Variants in CD1A observed in about 807,000 individuals in gnomAD.
CD1A encodes T-cell surface glycoprotein CD1a.
Under a neutral mutation model 38.3 loss-of-function variants are expected in CD1A, and 50 were observed. The observed-to-expected ratio is 1.30, with a 90% CI of 1.04 to 1.65. CD1A has a LOEUF of 1.65. Ranked by LOEUF, CD1A falls within the 40% of genes most tolerant of loss-of-function variation. The pLI, the probability that CD1A is intolerant of heterozygous loss-of-function variation, is 0.00. For synonymous variants in CD1A, 160 were observed against 150.8 expected, an observed-to-expected ratio of 1.06 and a Z score of -0.45; for missense variants, 459 against 406.1, an observed-to-expected ratio of 1.13 and a Z score of -1.12.
rs769074345 is a variant in CD1A at position 158,254,629 on chromosome 1, A to C, written c.-41A>C. On this transcript the variant is annotated 5_prime_UTR_variant, in exon 1 of 6. Transcript: ENST00000289429. ...GGTTTGTTTGGAACAGAAATCAAAG[A>C]CCAATTTTTCTGAGAGAAGGAAATA... 6.2e-7 allele frequency: 1 copy of C among 1,613,818 alleles called. No individual in the cohort carries two copies. Among genetic ancestry groups the C allele is most frequent in the East Asian group, 2.2e-5 (1 of 44,878 alleles).
chr1:158,254,634 T>C lies in CD1A; in HGVS notation c.-36T>C. The C allele has an allele frequency of 6.2e-7, 1 of 1,613,830 alleles. No individual in the cohort carries two copies. The highest frequency in any genetic ancestry group is 8.5e-7 in the Non-Finnish European group (1 of 1,179,888). ...GTTTGGAACAGAAATCAAAGACCAATTTTTCTGAGAGAAGGAAATAACATC... is the reference window on the plus strand; with the variant it reads ...GTTTGGAACAGAAATCAAAGACCAACTTTTCTGAGAGAAGGAAATAACATC... On this transcript the variant is annotated 5_prime_UTR_variant, in exon 1 of 6. Coordinates refer to ENST00000289429, the MANE Select transcript of CD1A (RefSeq NM_001763.3).
Position 158,255,993 on chromosome 1 carries a change from C to A in CD1A, c.326-11C>A. 12 of 1,600,644 alleles carry A rather than the reference C, an allele frequency of 7.5e-6. No homozygotes were observed. The highest frequency in any genetic ancestry group is 1.0e-5 in the Non-Finnish European group (12 of 1,172,184). On this transcript the variant is annotated splice_polypyrimidine_tract_variant and intron_variant, in intron 2 of 5. Coordinates refer to ENST00000289429, the MANE Select transcript of CD1A (RefSeq NM_001763.3). ...TTTTTTCTCCCTCTTTCCTCTATTT[C>A]ATAACCCCAGATCCTTTTGAGATAC...
upstream of CD1A, among the ~76,000 whole-genome samples, chr1:158,250,629 C>T (rs892622741): frequency 3.9e-5 from 6 of 152,170 alleles, no homozygotes; most frequent in Admixed American, 1.3e-4. Flanking sequence ...CTCAGTCATG[C>T]GGATGTCTTG....
chr1:158,254,781 CTCTCTGTGTG>C (rs1650185904), intron 1 of CD1A, 54 bp downstream of exon 1: 4 of 1,038,180 alleles, frequency 3.9e-6, no homozygotes, highest in African/African-American at 1.9e-5. Context: ...CTCTCTCTCT[CTCTCTGTGTG>C]TGTGTGTGTG....
At chr1:158,255,629 C>T (rs1443950722) in intron 2 of CD1A, among the ~76,000 whole-genome samples, 1 of 152,186 alleles carries the variant, frequency 6.6e-6, no homozygotes, top group East Asian at 1.9e-4. Flanking sequence ...GCCTGCCCTA[C>T]AACCAGATAC....
intron 1 of CD1A, 64 bp from the exon 2 acceptor site, chr1:158,255,020 C>A: frequency 6.5e-7 from 1 of 1,541,518 alleles, no homozygotes; most frequent in Non-Finnish European, 8.9e-7. Context: ...CACTCTGGCA[C>A]CTTTCTCTCT....
At chr1:158,252,050 C>G (rs545784072), upstream of CD1A, among the ~76,000 whole-genome samples, 37 of 151,976 alleles carry the variant, frequency 2.4e-4, no homozygotes, top group African/African-American at 8.2e-4. Flanking sequence ...AGGTTGGTCT[C>G]GAACTCCTGA....
chr1:158,255,300 T>A lies in CD1A; in HGVS notation c.275T>A (p.Ile92Asn). 1.2e-6 allele frequency: 2 copies of A among 1,614,124 alleles called. No individual in the cohort carries two copies. Among genetic ancestry groups the A allele is most frequent in the South Asian group, 1.1e-5 (1 of 91,086 alleles). Residue 92 changes from isoleucine (I) to asparagine (N), a missense_variant, in exon 2 of 6, where the codon ATT becomes AAT. Physicochemically the swap from Ile to Asn is moderately radical, Grantham distance 149. Coordinates refer to ENST00000289429, the MANE Select transcript of CD1A (RefSeq NM_001763.3). ...GAAACATTATTCCGTATACGCACCATTCGGTCATTTGAGGGAATTCGTAGA... is the reference window on the plus strand; with the variant it reads ...GAAACATTATTCCGTATACGCACCAATCGGTCATTTGAGGGAATTCGTAGA... Reference protein sequence around the residue: ...ELETLFRIRTIRSFEGIRRYA... With the variant: ...ELETLFRIRTNRSFEGIRRYA...
intron 5 of CD1A, 40 bp from the exon 6 acceptor site, chr1:158,257,641 C>T (rs757151945): frequency 4.3e-6 from 7 of 1,611,950 alleles, no homozygotes; most frequent in Non-Finnish European, 5.1e-6. Context: ...TTCTCAGCTC[C>T]ACCTTATTCA....
chr1:158,255,205 T>G lies in CD1A; in HGVS notation c.180T>G (p.Asn60Lys). 5 of 1,614,140 alleles carry G rather than the reference T, an allele frequency of 3.1e-6. No individual in the cohort carries two copies. Among genetic ancestry groups the G allele is most frequent in the Non-Finnish European group, 4.2e-6 (5 of 1,180,024 alleles). Reference sequence around the variant, plus strand: ...TGCAGACTCATACCTGGGACAGCAATTCCAGCACCATCGTTTTCCTGTGCC... The same window carrying G: ...TGCAGACTCATACCTGGGACAGCAAGTCCAGCACCATCGTTTTCCTGTGCC... ...SDLQTHTWDSNSSTIVFLCPW... is the reference protein window; with the variant it reads ...SDLQTHTWDSKSSTIVFLCPW... Residue 60 changes from asparagine to lysine, a missense_variant, in exon 2 of 6, where the codon AAT becomes AAG. Physicochemically the swap from Asn to Lys is moderately conservative, Grantham distance 94 (BLOSUM62 0). Transcript: ENST00000289429.
Position 158,257,855 on chromosome 1 carries a change from A to G in CD1A, c.*165A>G. 1.6e-6 allele frequency: 1 copy of G among 644,498 alleles called. No individual in the cohort carries two copies. The highest frequency in any genetic ancestry group is 2.8e-6 in the Non-Finnish European group (1 of 363,346). 39.9% of individuals were successfully genotyped at this position (644,498 alleles called of 1,614,324 possible). On this transcript the variant is annotated 3_prime_UTR_variant, in exon 6 of 6. Transcript: ENST00000289429. ...GTTTCTGATTAATGATTGTTTGTCA[A>G]TATAAGCTCAATTTAATTTTGCAGG...
At chr1:158,257,640 C>G (rs375941529) in intron 5 of CD1A, 41 bp from the exon 6 acceptor site, 15 of 1,611,848 alleles carry the variant, frequency 9.3e-6, no homozygotes, top group East Asian at 4.5e-5. Flanking sequence ...ATTCTCAGCT[C>G]CACCTTATTC....
the CD1A span, chr1:158,248,507 A>G: frequency 1.5e-6 from 1 of 683,548 alleles, no homozygotes; most frequent in Non-Finnish European, 1.8e-6. Context: ...GGCAAAGGGA[A>G]GAATATGGAC....
At chr1:158,251,843 T>C (rs1297012488), upstream of CD1A, among the ~76,000 whole-genome samples, 4 of 151,942 alleles carry the variant, frequency 2.6e-5, no homozygotes, top group African/African-American at 9.7e-5. Flanking sequence ...TTCTGCCCTT[T>C]CCCCACCAGG....
upstream of CD1A, chr1:158,254,227 G>T (rs55897909): frequency 1.9e-5 from 19 of 1,024,908 alleles, no homozygotes; most frequent in Non-Finnish European, 2.2e-5. Context: ...CAGGGGAAGA[G>T]AATACATGGG....
intron 2 of CD1A, 69 bp downstream of exon 2, chr1:158,255,419 C>A: frequency 6.9e-7 from 1 of 1,452,492 alleles, no homozygotes; most frequent in Non-Finnish European, 9.5e-7. Context: ...TTTCTTATTC[C>A]TTTAGGAAAC....
At chr1:158,256,574 G>A (rs1650262739) in intron 3 of CD1A, among the ~76,000 whole-genome samples, 1 of 152,034 alleles carries the variant, frequency 6.6e-6, no homozygotes, top group Non-Finnish European at 1.5e-5. Context: ...AGAGGCTGAG[G>A]CAGGAGGATC....
chr1:158,250,252 G>A (rs1055433974), upstream of CD1A, among the ~76,000 whole-genome samples: 1 of 152,226 alleles, frequency 6.6e-6, no homozygotes, highest in Non-Finnish European at 1.5e-5. Context: ...ACATTGGGGA[G>A]CAGATGGCAG....
At chr1:158,249,391 C>T in the CD1A span, among the ~76,000 whole-genome samples, 2 of 152,112 alleles carry the variant, frequency 1.3e-5, no homozygotes, top group African/African-American at 2.4e-5. Flanking sequence ...ACATAGAGTA[C>T]ACTTTCTGGA....
Sources: allele counts gnomAD v4.1 joint callset (sites outside exome capture counted in the v4.1 genomes callset), GRCh38; gene constraint gnomAD v4.1.1; transcripts MANE v1.5; gene names NCBI Gene and HGNC (gene_info 2026-07-23, HGNC 2026-07-21).